NKAIN2: variants seen among roughly 807,000 people sequenced by gnomAD.
NKAIN2 encodes the protein sodium/potassium transporting ATPase interacting 2.
NKAIN2 carries 14 observed loss-of-function variants against 32.6 expected under a neutral mutation model. That is an observed-to-expected ratio of 0.43 (90% CI 0.28 to 0.67). The LOEUF (loss-of-function observed/expected upper bound fraction) is 0.67, where lower values mean the gene tolerates loss of function less well. Among genes scored for constraint, NKAIN2 ranks in the 30% least tolerant of loss-of-function variants. The pLI is 0.17. For missense variants in NKAIN2, 198 were observed against 258.3 expected (o/e 0.77, Z 1.60); for synonymous variants, 80 against 87.2 (o/e 0.92, Z 0.46).
chr6:124,475,378 CAT>C (rs1777157777), intron 3 of NKAIN2, among the ~76,000 whole-genome samples: 1 of 152,020 alleles, frequency 6.6e-6, no homozygotes. Context: ...TCTGAAATAA[CAT>C]AACAGTTTTT....
chr6:124,592,420 C>T (rs577296369), intron 3 of NKAIN2, among the ~76,000 whole-genome samples: 83 of 152,240 alleles, frequency 5.5e-4, no homozygotes, highest in African/African-American at 1.6e-3. Context: ...AACCCCTTAA[C>T]CCTGGAAATT....
intron 3 of NKAIN2, among the ~76,000 whole-genome samples, chr6:124,429,712 C>T (rs1285271273): frequency 6.6e-6 from 1 of 152,110 alleles, no homozygotes; most frequent in Non-Finnish European, 1.5e-5. Flanking sequence ...AGGTGCAGTA[C>T]TTCAGGGGAC....
intron 1 of NKAIN2, among the ~76,000 whole-genome samples, chr6:124,220,873 A>T (rs1171636867): frequency 6.6e-6 from 1 of 152,172 alleles, no homozygotes; most frequent in African/African-American, 2.4e-5. Context: ...TTCAAAAGGA[A>T]TAATTTTAAG....
chr6:124,725,402 C>A (rs1254633663), intron 4 of NKAIN2, among the ~76,000 whole-genome samples: 1 of 152,144 alleles, frequency 6.6e-6, no homozygotes, highest in Non-Finnish European at 1.5e-5. Flanking sequence ...TCGCACCCAG[C>A]CCCTTATGCT....
At chr6:124,026,432 G>A (rs1239328696) in intron 1 of NKAIN2, among the ~76,000 whole-genome samples, 1 of 152,050 alleles carries the variant, frequency 6.6e-6, no homozygotes, top group East Asian at 1.9e-4. Flanking sequence ...ATATTACCTT[G>A]TTCTTCAATG....
intron 1 of NKAIN2, among the ~76,000 whole-genome samples, chr6:124,257,070 T>C (rs1793983639): frequency 6.6e-6 from 1 of 151,858 alleles, no homozygotes; most frequent in South Asian, 2.1e-4. Flanking sequence ...TTGTTTTTAT[T>C]TTTTTTTCAC....
chr6:124,293,967 TTTTAG>T (rs1795934837), intron 2 of NKAIN2, among the ~76,000 whole-genome samples: 1 of 152,180 alleles, frequency 6.6e-6, no homozygotes, highest in Non-Finnish European at 1.5e-5. Context: ...AATGAATTGT[TTTTAG>T]TTTAGAGTTT....
intron 1 of NKAIN2, among the ~76,000 whole-genome samples, chr6:124,276,885 A>G (rs1795063085): frequency 6.6e-6 from 1 of 152,204 alleles, no homozygotes; most frequent in African/African-American, 2.4e-5. Context: ...GAATTAAGCA[A>G]TAGGAATGGA....
intron 4 of NKAIN2, among the ~76,000 whole-genome samples, chr6:124,742,886 T>C (rs1232544003): frequency 6.6e-6 from 1 of 151,942 alleles, no homozygotes; most frequent in Non-Finnish European, 1.5e-5. Flanking sequence ...GTAAAGATGA[T>C]GGAGATTTTA....
chr6:124,463,281 A>C (rs1317889384), intron 3 of NKAIN2, among the ~76,000 whole-genome samples: 1 of 152,080 alleles, frequency 6.6e-6, no homozygotes, highest in Non-Finnish European at 1.5e-5. Context: ...AATTATTGCC[A>C]CTACTACTTT....
rs546723163 is a variant in NKAIN2 at position 124,369,714 on chromosome 6, C to T, written c.273+14367C>T. On this transcript the variant is annotated intron_variant, in intron 3 of 6. Coordinates refer to ENST00000368417, the MANE Select transcript of NKAIN2 (RefSeq NM_001040214.3). ...TGAAAAGTATGTCCAATTCCTCATA[C>T]CACCCCAGCCCCTGGTGTGCTTTTG... Among the ~76,000 whole-genome samples, 16 of 151,930 alleles carry T rather than the reference C, an allele frequency of 1.1e-4. No homozygotes were observed. In the South Asian group the frequency reaches 3.1e-3, roughly 30 times the overall value.
chr6:124,754,190 C>A (rs1054648194), intron 4 of NKAIN2, among the ~76,000 whole-genome samples: 5 of 151,998 alleles, frequency 3.3e-5, no homozygotes, highest in African/African-American at 1.2e-4. Context: ...AACCTGAAGT[C>A]ATTTGCAATG....
intron 1 of NKAIN2, among the ~76,000 whole-genome samples, chr6:123,850,615 G>A (rs1775300720): frequency 6.6e-6 from 1 of 152,084 alleles, no homozygotes; most frequent in Non-Finnish European, 1.5e-5. Context: ...TTTAAATGTA[G>A]TTTTAATTGA....
chr6:124,558,234 A>T (rs1369958162), intron 3 of NKAIN2, among the ~76,000 whole-genome samples: 2 of 152,186 alleles, frequency 1.3e-5, no homozygotes, highest in Admixed American at 1.3e-4. Flanking sequence ...TTCATGATTT[A>T]TGTGTAGCAT....
intron 2 of NKAIN2, among the ~76,000 whole-genome samples, chr6:124,342,259 A>C (rs985109859): frequency 2.0e-5 from 3 of 151,480 alleles, no homozygotes; most frequent in African/African-American, 7.3e-5. Flanking sequence ...ATACAAAAAA[A>C]TTAGCCAGGC....
intron 3 of NKAIN2, among the ~76,000 whole-genome samples, chr6:124,646,382 A>G (rs996286301): frequency 6.6e-6 from 1 of 152,208 alleles, no homozygotes; most frequent in Middle Eastern, 3.2e-3. Context: ...AAATATGAAC[A>G]GTGGGAAAGA....
chr6:124,566,620 A>C (rs1217091949), intron 3 of NKAIN2, among the ~76,000 whole-genome samples: 1 of 152,216 alleles, frequency 6.6e-6, no homozygotes, highest in African/African-American at 2.4e-5. Context: ...GGCACTATGC[A>C]ATAAAAGATT....
At chr6:124,666,723 T>TAA (rs1331809614) in intron 4 of NKAIN2, among the ~76,000 whole-genome samples, 1 of 152,174 alleles carries the variant, frequency 6.6e-6, no homozygotes, top group African/African-American at 2.4e-5. Context: ...AAACAGCCTC[T>TAA]AAAGTCAGAT....
intron 5 of NKAIN2, among the ~76,000 whole-genome samples, chr6:124,797,363 G>T (rs1467118541): frequency 3.3e-5 from 5 of 152,090 alleles, no homozygotes; most frequent in Non-Finnish European, 5.9e-5. Flanking sequence ...TGCAAATGTT[G>T]TTTAATGATG....
Sources: allele counts gnomAD v4.1 joint callset (sites outside exome capture counted in the v4.1 genomes callset), GRCh38; gene constraint gnomAD v4.1.1; transcripts MANE v1.5; gene names NCBI Gene and HGNC (gene_info 2026-07-23, HGNC 2026-07-21).